Variants in MAPK10 observed in about 807,000 individuals in gnomAD.
The protein encoded by MAPK10 is JNK3 alpha protein kinase.
Under a neutral mutation model 59.3 loss-of-function variants are expected in MAPK10, and 25 were observed. The observed-to-expected ratio is 0.42, with a 90% confidence interval of 0.31 to 0.59. The LOEUF (loss-of-function observed/expected upper bound fraction) is 0.59. MAPK10 is among the 20% of genes least tolerant of loss of function. MAPK10 has a pLI of 0.15. For missense variants in MAPK10, 351 were observed against 568.9 expected, an observed-to-expected ratio of 0.62 and a Z score of 3.90; for synonymous variants, 190 against 200.5, an observed-to-expected ratio of 0.95 and a Z score of 0.44.
intron 1 of MAPK10, 47 bp from the exon 2 acceptor site, chr4:86,354,691 A>T (rs1578800050): frequency 4.9e-6 from 4 of 819,242 alleles, no homozygotes; most frequent in Non-Finnish European, 6.5e-6. Context: ...TAAGATTTAA[A>T]TTTGTATTTA....
chr4:86,587,421 AT>A (rs1370358051), intron 1 of MAPK10, among the ~76,000 whole-genome samples: 8 of 152,100 alleles, frequency 5.3e-5, no homozygotes, highest in Admixed American at 1.3e-4. Context: ...CTATCACTGC[AT>A]TTTTTTTCCC....
chr4:86,430,780 C>T (rs933033610), intron 1 of MAPK10, among the ~76,000 whole-genome samples: 4 of 152,076 alleles, frequency 2.6e-5, no homozygotes, highest in African/African-American at 9.7e-5. Context: ...AAAAACGTCA[C>T]GATACAGAAA....
chr4:86,512,565 A>AT (rs920180068), intron 1 of MAPK10, among the ~76,000 whole-genome samples: 25 of 152,218 alleles, frequency 1.6e-4, no homozygotes, highest in African/African-American at 5.5e-4. Context: ...CAATATAGAG[A>AT]TAAAAACTTA....
chr4:86,566,558 T>C (rs1761072213), intron 1 of MAPK10, among the ~76,000 whole-genome samples: 1 of 151,572 alleles, frequency 6.6e-6, no homozygotes, highest in Non-Finnish European at 1.5e-5. Flanking sequence ...TACTAAAAAA[T>C]ACAAAAATTA....
intron 11 of MAPK10, among the ~76,000 whole-genome samples, chr4:86,048,362 G>A (rs2042899977): frequency 6.6e-6 from 1 of 152,114 alleles, no homozygotes; most frequent in Non-Finnish European, 1.5e-5. Context: ...TTAAAATTCT[G>A]AGAAGCAGTA....
At chr4:86,495,927 T>G (rs905284218) in intron 1 of MAPK10, among the ~76,000 whole-genome samples, 1 of 152,186 alleles carries the variant, frequency 6.6e-6, no homozygotes, top group African/African-American at 2.4e-5. Flanking sequence ...CCAAAAAAAC[T>G]ATAAGAATAA....
chr4:86,538,973 A>G (rs1361953408), intron 1 of MAPK10, among the ~76,000 whole-genome samples: 1 of 152,238 alleles, frequency 6.6e-6, no homozygotes, highest in African/African-American at 2.4e-5. Flanking sequence ...CACTTATCAA[A>G]TTAAAAATCT....
intron 2 of MAPK10, among the ~76,000 whole-genome samples, chr4:86,289,599 TATA>T (rs1349244563): frequency 6.7e-6 from 1 of 149,974 alleles, no homozygotes; most frequent in Non-Finnish European, 1.5e-5. Flanking sequence ...CATTATGTTA[TATA>T]ATAATATATT....
intron 11 of MAPK10, among the ~76,000 whole-genome samples, chr4:86,042,997 G>A (rs1242837405): frequency 6.6e-6 from 1 of 152,098 alleles, no homozygotes; most frequent in Non-Finnish European, 1.5e-5. Flanking sequence ...TGAATTGGAA[G>A]GAGGAAGCAT....
chr4:86,342,699 T>A (rs953687225), intron 2 of MAPK10, among the ~76,000 whole-genome samples: 2 of 152,200 alleles, frequency 1.3e-5, no homozygotes, highest in Non-Finnish European at 2.9e-5. Context: ...AACCCAGTGT[T>A]TTCCTGCCCT....
chr4:86,170,127 C>G (rs1200057883), intron 3 of MAPK10, among the ~76,000 whole-genome samples: 1 of 151,892 alleles, frequency 6.6e-6, no homozygotes, highest in African/African-American at 2.4e-5. Flanking sequence ...TAAAGACCAT[C>G]GAGACTAGGA....
At chr4:86,304,602 C>T (rs1019385460) in intron 2 of MAPK10, among the ~76,000 whole-genome samples, 1 of 151,560 alleles carries the variant, frequency 6.6e-6, no homozygotes, top group Non-Finnish European at 1.5e-5. Context: ...CCGTGTTAGC[C>T]AAGATGGTCT....
At chr4:86,536,786 T>C (rs1758275219) in intron 1 of MAPK10, among the ~76,000 whole-genome samples, 1 of 152,212 alleles carries the variant, frequency 6.6e-6, no homozygotes, top group African/African-American at 2.4e-5. Context: ...CGCATTCCCA[T>C]AGATTAAAAA....
intron 1 of MAPK10, among the ~76,000 whole-genome samples, chr4:86,466,515 G>A (rs367736774): frequency 2.0e-4 from 31 of 152,140 alleles, no homozygotes; most frequent in African/African-American, 6.8e-4. Flanking sequence ...TTTCTCTAGT[G>A]CCACTGGGTT....
Position 86,040,288 on chromosome 4 carries a change from TAAAAC to T in MAPK10, c.1111-8862_1111-8858del, listed in dbSNP as rs199865564. Among the ~76,000 whole-genome samples, 649 of 151,992 alleles carry T rather than the reference TAAAAC, an allele frequency of 4.3e-3. 27 individuals are homozygous for T. In the East Asian group the frequency reaches 0.1, roughly 24 times the overall value. ...TTCATAAAATCAAGAAAACAATAAA[TAAAAC>T]AAATTTAATAGAGAGATTGAAATTA... On this transcript the variant is annotated intron_variant, in intron 11 of 13. Coordinates refer to ENST00000641462, the MANE Select transcript of MAPK10 (RefSeq NM_138982.4).
rs150402797 is a variant in MAPK10 at position 86,317,171 on chromosome 4, C to T, written c.-7+37359G>A. Among the ~76,000 whole-genome samples the T allele has an allele frequency of 9.5e-3, 1,439 of 152,222 alleles. 19 individuals carry two copies. Among genetic ancestry groups the T allele is most frequent in the African/African-American group, 0.032 (1,340 of 41,526 alleles). ...CTGACAAAGTTGTATTCCAAAACCACGTTTTGTCACTTGTTCTCTGGGGCA... is the reference window on the plus strand; with the variant it reads ...CTGACAAAGTTGTATTCCAAAACCATGTTTTGTCACTTGTTCTCTGGGGCA... On this transcript the variant is annotated intron_variant, in intron 2 of 13. Transcript: ENST00000641462.
At chr4:86,369,452 T>G (rs1011451897) in intron 1 of MAPK10, among the ~76,000 whole-genome samples, 16 of 152,166 alleles carry the variant, frequency 1.1e-4, no homozygotes, top group Non-Finnish European at 1.6e-4. Flanking sequence ...TAATACATGA[T>G]GATCGTATAC....
chr4:86,321,957 A>C (rs1398266802), intron 2 of MAPK10: 1 of 151,884 alleles, frequency 6.6e-6, no homozygotes, highest in Non-Finnish European at 1.5e-5. Context: ...TCAGCCTCCC[A>C]AAGTGCTGGG....
chr4:86,301,689 T>C (rs2095475520), intron 2 of MAPK10, among the ~76,000 whole-genome samples: 1 of 152,188 alleles, frequency 6.6e-6, no homozygotes, highest in South Asian at 2.1e-4. Flanking sequence ...GGCTCTGTGC[T>C]AGCTGTCAGA....
Sources: allele counts gnomAD v4.1 joint callset (sites outside exome capture counted in the v4.1 genomes callset), GRCh38; gene constraint gnomAD v4.1.1; transcripts MANE v1.5; gene names NCBI Gene and HGNC (gene_info 2026-07-23, HGNC 2026-07-21).